The following KMT2A variants were observed in gnomAD, a reference collection of about 807,000 sequenced individuals.
KMT2A encodes the protein lysine methyltransferase 2A.
Under a neutral mutation model 345.3 loss-of-function variants are expected in KMT2A, and 16 were observed. That is an observed-to-expected ratio of 0.05 (90% confidence interval 0.03 to 0.07). The LOEUF is 0.07. Ranked by LOEUF, KMT2A falls within the 10% of genes least tolerant of loss-of-function variation. KMT2A has a pLI of 1.00. For missense variants in KMT2A, 3,272 were observed against 4,841.6 expected, an observed-to-expected ratio of 0.68 and a Z score of 9.62; for synonymous variants, 1,599 against 1,778.6, an observed-to-expected ratio of 0.90 and a Z score of 2.54.
rs1950269146 is a variant in KMT2A, at chr11:118,488,493, T to C, written c.4333-121T>C. ...ACATAGTCATTGCTTAATGAATATG[T>C]ATTGAATTAAATATATGCCAGTGGA... is the stretch of plus-strand genomic sequence containing the variant. On this transcript the variant is annotated intron_variant, in intron 10 of 35. Coordinates refer to ENST00000534358, the MANE Select transcript of KMT2A (RefSeq NM_001197104.2). 9 of 937,952 alleles carry C rather than the reference T, an allele frequency of 9.6e-6. No homozygotes were observed. In the East Asian group the frequency reaches 2.2e-4, roughly 23 times the overall value. 58.1% of individuals were successfully genotyped at this position (937,952 alleles called of 1,614,324 possible). A position where few individuals can be genotyped will look rare whatever the true frequency, so the allele number is the denominator to read the frequency against.
At chr11:118,465,455 A>G (rs764147732) in intron 1 of KMT2A, among the ~76,000 whole-genome samples, 7 of 152,204 alleles carry the variant, frequency 4.6e-5, no homozygotes, top group Non-Finnish European at 8.8e-5. Context: ...TCCATTTTCC[A>G]TGAACCTTTT....
rs782030378 is a variant in KMT2A at position 118,498,013 on chromosome 11, T to C, written c.5742T>C (p.Phe1914=). Residue 1914 remains phenylalanine (F), a synonymous_variant, in exon 21 of 36, where the codon TTT becomes TTC. Coordinates refer to ENST00000534358, the MANE Select transcript of KMT2A (RefSeq NM_001197104.2). This position sits in a 1 kb window ranked among gnomAD's most constrained non-coding sequence, Gnocchi z 4.4. ...GTGCTTTGTGGTCAGCGGAAGTGTTTGAAGATGATGACGGATCACTAAAGA... is the reference window on the plus strand; with the variant it reads ...GTGCTTTGTGGTCAGCGGAAGTGTTCGAAGATGATGACGGATCACTAAAGA... ...VNCALWSAEV[F]EDDDGSLKNV... The C allele has an allele frequency of 1.9e-6, 3 of 1,614,122 alleles. No individual in the cohort carries two copies. In the South Asian group the frequency reaches 3.3e-5, roughly 18 times the overall value.
chr11:118,523,790 T>C lies in KMT2A; in HGVS notation c.*1618T>C, dbSNP rs1951021062. The C allele has an allele frequency of 4.6e-6, 1 of 215,172 alleles. No homozygotes were observed. The highest frequency in any genetic ancestry group is 5.8e-5 in the Admixed American group (1 of 17,144). The allele number at this position is 215,172 out of a possible 1,614,324, so 13.3% of individuals were successfully genotyped here. On this transcript the variant is annotated 3_prime_UTR_variant, in exon 36 of 36. Coordinates refer to ENST00000534358, the MANE Select transcript of KMT2A (RefSeq NM_001197104.2). ...CCCCTGGAAGGTGTACTTTTTGTTG[T>C]TTAATGTGTAGCTTGTTTGTGCCCT...
rs1301792760 is a variant in KMT2A, at chr11:118,522,367, C to T, written c.*195C>T. On this transcript the variant is annotated 3_prime_UTR_variant, in exon 36 of 36. Transcript: ENST00000534358. The surrounding 1 kb of genome is among the most constrained non-coding windows in gnomAD (Gnocchi z 5.4). ...AGTCCCAGAGACAGAGTTGAGGTCT[C>T]GAAGAAAAGATCCATGATCGGCTTT... The T allele has an allele frequency of 1.2e-5, 7 of 577,482 alleles. No individual in the cohort carries two copies. The highest frequency in any genetic ancestry group is 9.3e-5 in the African/African-American group (5 of 53,674). The allele number at this position is 577,482 out of a possible 1,614,324, so 35.8% of individuals were successfully genotyped here. A position where few individuals can be genotyped will look rare whatever the true frequency, so the allele number is the denominator to read the frequency against.
chr11:118,489,389 A>G (rs1051679858), intron 11 of KMT2A, among the ~76,000 whole-genome samples: 7 of 152,172 alleles, frequency 4.6e-5, no homozygotes, highest in African/African-American at 1.4e-4. Flanking sequence ...GACTGTGCTT[A>G]GAGTATTGCT....
chr11:118,493,144 A>G lies in KMT2A; in HGVS notation c.5092A>G (p.Thr1698Ala). The G allele has an allele frequency of 1.2e-6, 2 of 1,614,108 alleles. No homozygotes were observed. Among genetic ancestry groups the G allele is most frequent in the Non-Finnish European group, 1.7e-6 (2 of 1,179,986 alleles). Residue 1698 changes from threonine (T) to alanine (A), a missense_variant, in exon 16 of 36, where the codon ACT becomes GCT. Transcript: ENST00000534358. This position sits in a 1 kb window ranked among gnomAD's most constrained non-coding sequence, Gnocchi z 5.8. Reference protein sequence around the residue: ...SPEGPDPPVLTEVSKQDDQQP... With the variant: ...SPEGPDPPVLAEVSKQDDQQP... ...CGAAGGACCTGATCCACCAGTTCTT[A>G]CTGAGGTCAGCAAACAGGATGATCA...
In KMT2A at chr11:118,477,115, C is replaced by T. The variant is rs1211315556; in HGVS notation, c.3334+133C>T. On this transcript the variant is annotated intron_variant, in intron 4 of 35. Transcript: ENST00000534358. ...ACAGATGGCAAGAGGGGATTAAATA[C>T]ATGAGGATTTTATTAGAAGAAATGC... The T allele has an allele frequency of 8.5e-6, 7 of 822,240 alleles. No individual in the cohort carries two copies. The African/African-American group carries it at 1.0e-4, about 12-fold the overall frequency. The allele number at this position is 822,240 out of a possible 1,614,324, so 50.9% of individuals were successfully genotyped here.
At chr11:118,446,468 T>C (rs1555027232) in intron 1 of KMT2A, among the ~76,000 whole-genome samples, 1 of 152,244 alleles carries the variant, frequency 6.6e-6, no homozygotes, top group Non-Finnish European at 1.5e-5. Context: ...CCTTAAGTTA[T>C]ATGGCTAGTA....
chr11:118,495,875 C>T lies in KMT2A; in HGVS notation c.5539C>T (p.Pro1847Ser), dbSNP rs551537456. The T allele has an allele frequency of 6.2e-7, 1 of 1,608,442 alleles. No homozygotes were observed. Among genetic ancestry groups the T allele is most frequent in the African/African-American group, 1.3e-5 (1 of 74,758 alleles). The stretch of plus-strand genomic sequence containing the variant: ...AGACTCACCAACTCCTCTGCATCCT[C>T]CTACACCACCAATTTTGAGTAAGCC... ...EPDSPTPLHPPTPPILSTDRS... is the reference protein window; with the variant it reads ...EPDSPTPLHPSTPPILSTDRS... The change falls in exon 19 of 36, where the codon CCT (proline) becomes TCT (serine). Residue 1847 changes from proline (P) to serine (S), a missense_variant. Transcript: ENST00000534358. This position sits in a 1 kb window ranked among gnomAD's most constrained non-coding sequence, Gnocchi z 4.1.
intron 31 of KMT2A, among the ~76,000 whole-genome samples, chr11:118,515,743 T>C (rs1555051434): frequency 7.0e-6 from 1 of 143,780 alleles, no homozygotes; most frequent in Non-Finnish European, 1.5e-5. Flanking sequence ...CTGGAGTGTG[T>C]AGTGGTGCAA....
At chr11:118,517,402 AAAAAAAAAAAG>A (rs1245683432) in intron 31 of KMT2A, among the ~76,000 whole-genome samples, 3 of 151,350 alleles carry the variant, frequency 2.0e-5, no homozygotes, top group Non-Finnish European at 4.4e-5. Flanking sequence ...TCTCAAAAAA[AAAAAAAAAAAG>A]AAAAGAAAAG....
rs1245229493 is a variant in KMT2A, at chr11:118,510,794, G to A, written c.11071+676G>A. 6.6e-6 allele frequency among the ~76,000 whole-genome samples: 1 copy of A among 152,204 alleles called. No homozygotes were observed. The highest frequency in any genetic ancestry group is 1.5e-5 in the Non-Finnish European group (1 of 68,030). Reference sequence around the variant, plus strand: ...GTAAGTACTAGAAGAGTTCAAAGAAGAGAAAGGTCACCATGGGTGAGTTAG... The same window carrying A: ...GTAAGTACTAGAAGAGTTCAAAGAAAAGAAAGGTCACCATGGGTGAGTTAG... On this transcript the variant is annotated intron_variant, in intron 30 of 35. Transcript: ENST00000534358. The surrounding 1 kb of genome is among the most constrained non-coding windows in gnomAD (Gnocchi z 4.1).
rs782270340 is a variant in KMT2A, at chr11:118,505,297, C to G, written c.9405C>G (p.Thr3135=). ...LGPMGGGLTL[T]TGLNPSLPTS... Reference sequence around the variant, plus strand: ...CCATGGGAGGTGGTCTCACCCTTACCACAGGACTAAATCCAAGCTTGCCAA... The same window carrying G: ...CCATGGGAGGTGGTCTCACCCTTACGACAGGACTAAATCCAAGCTTGCCAA... The change falls in exon 27 of 36, where the codon ACC becomes ACG. Residue 3135 remains threonine (T), a synonymous_variant. Transcript: ENST00000534358. The surrounding 1 kb of genome is among the most constrained non-coding windows in gnomAD (Gnocchi z 4.6). 14 of 1,614,190 alleles carry G rather than the reference C, an allele frequency of 8.7e-6. No homozygotes were observed. The East Asian group carries it at 2.9e-4, about 33-fold the overall frequency.
At chr11:118,478,950 T>A (rs1950085235) in intron 5 of KMT2A, among the ~76,000 whole-genome samples, 1 of 152,150 alleles carries the variant, frequency 6.6e-6, no homozygotes, top group East Asian at 1.9e-4. Context: ...TTTAAGAAGT[T>A]TTGTTTTAAT....
intron 5 of KMT2A, among the ~76,000 whole-genome samples, 183 bp from the exon 6 acceptor site, chr11:118,479,991 A>G (rs2134293148): frequency 6.6e-6 from 1 of 152,330 alleles, no homozygotes; most frequent in Admixed American, 6.5e-5. Context: ...AAGGTAGGTG[A>G]AATTGCTGAT....
chr11:118,438,909 C>A, intron 1 of KMT2A: 1 of 397,232 alleles, frequency 2.5e-6, no homozygotes, highest in Admixed American at 3.0e-5. Flanking sequence ...TCTATCTCCA[C>A]CTCCTTTTCC....
Position 118,484,158 on chromosome 11 carries a change from C to T in KMT2A, c.4087-25C>T, listed in dbSNP as rs2134310986. On this transcript the variant is annotated intron_variant, in intron 8 of 35. Coordinates refer to ENST00000534358, the MANE Select transcript of KMT2A (RefSeq NM_001197104.2). The surrounding 1 kb of genome is among the most constrained non-coding windows in gnomAD (Gnocchi z 4.1). Reference sequence around the variant, plus strand: ...AAGGCAAATAGGGTGTGATTTTGTTCTATATTCATCTTTTGTCTCCTTAGG... The same window carrying T: ...AAGGCAAATAGGGTGTGATTTTGTTTTATATTCATCTTTTGTCTCCTTAGG... 6.2e-7 allele frequency: 1 copy of T among 1,611,402 alleles called. No individual in the cohort carries two copies. The highest frequency in any genetic ancestry group is 1.1e-5 in the South Asian group (1 of 90,424).
At chr11:118,479,895 T>G (rs1260745459) in intron 5 of KMT2A, among the ~76,000 whole-genome samples, 7 of 152,210 alleles carry the variant, frequency 4.6e-5, no homozygotes, top group African/African-American at 1.7e-4. Flanking sequence ...CTGATCATTT[T>G]CTGTGTGGTG....
chr11:118,471,321 TTTTC>T (rs1406161783), intron 2 of KMT2A, among the ~76,000 whole-genome samples: 1 of 152,220 alleles, frequency 6.6e-6, no homozygotes, highest in Non-Finnish European at 1.5e-5. Context: ...TTCAGATGTT[TTTTC>T]TTTACAATTC....
Sources: gnomAD v4.1 joint callset for allele counts (sites outside exome capture counted in the v4.1 genomes callset) on GRCh38, gnomAD v4.1.1 for gene constraint, Gnocchi (gnomAD v3.1) non-coding constraint, MANE v1.5 for transcripts, NCBI Gene and HGNC (gene_info 2026-07-23, HGNC 2026-07-21) for gene names.